The following ALPK1 variants were observed in gnomAD, a reference collection of about 807,000 sequenced individuals.
The protein encoded by ALPK1 is alpha-protein kinase 1.
A neutral mutation model predicts 120.6 loss-of-function variants in ALPK1; 110 were observed. The observed-to-expected ratio is 0.91, with a 90% CI of 0.78 to 1.07. ALPK1 has a LOEUF of 1.07. ALPK1 is among the 50% of genes least tolerant of loss of function. The pLI, the probability that ALPK1 is intolerant of heterozygous loss-of-function variation, is 0.00. For missense variants in ALPK1, 1,498 were observed against 1,483.9 expected, an observed-to-expected ratio of 1.01 and a Z score of -0.16; for synonymous variants, 582 against 560.3, an observed-to-expected ratio of 1.04 and a Z score of -0.55.
intron 3 of ALPK1, among the ~76,000 whole-genome samples, chr4:112,378,711 C>G (rs1731773875): frequency 6.6e-6 from 1 of 152,124 alleles, no homozygotes; most frequent in South Asian, 2.1e-4. Flanking sequence ...CTCACAGAAA[C>G]AAGATTCCCA....
In ALPK1 at chr4:112,439,675, C is replaced by T. The variant is rs1734945158; in HGVS notation, c.3352-11C>T. On this transcript the variant is annotated splice_polypyrimidine_tract_variant and intron_variant, in intron 13 of 15. Transcript: ENST00000650871. ...CATTATGCTGTAATGTTTCTCATTG[C>T]TATTTTTCAGATTTTAGAGGACAAG... is the stretch of plus-strand genomic sequence containing the variant. 1 of 1,591,700 alleles carries T rather than the reference C, an allele frequency of 6.3e-7. No homozygotes were observed. Among genetic ancestry groups the T allele is most frequent in the South Asian group, 1.1e-5 (1 of 88,132 alleles).
At chr4:112,304,516 T>C (rs1404889453) in intron 1 of ALPK1, among the ~76,000 whole-genome samples, 1 of 152,162 alleles carries the variant, frequency 6.6e-6, no homozygotes, top group African/African-American at 2.4e-5. Context: ...ATGAGCATTT[T>C]TTCATGTGTC....
At chr4:112,355,875 A>AGG (rs1730584228) in intron 2 of ALPK1, among the ~76,000 whole-genome samples, 1 of 152,218 alleles carries the variant, frequency 6.6e-6, no homozygotes, top group Admixed American at 6.5e-5. Context: ...TGCCTGACAA[A>AGG]GGGGGACCCG....
intron 2 of ALPK1, among the ~76,000 whole-genome samples, chr4:112,319,349 G>A (rs1367673276): frequency 6.6e-6 from 1 of 152,130 alleles, no homozygotes; most frequent in African/African-American, 2.4e-5. Flanking sequence ...GACCCATGGA[G>A]CATTTAATAG....
intron 2 of ALPK1, among the ~76,000 whole-genome samples, chr4:112,330,237 C>T (rs1047545255): frequency 6.6e-6 from 1 of 152,172 alleles, no homozygotes; most frequent in Non-Finnish European, 1.5e-5. Context: ...GTATAAGTTC[C>T]TCTGTAAATG....
intron 2 of ALPK1, among the ~76,000 whole-genome samples, chr4:112,333,556 C>G (rs560853891): frequency 2.6e-5 from 4 of 152,254 alleles, no homozygotes; most frequent in African/African-American, 4.8e-5. Flanking sequence ...AGTCCAGGTA[C>G]CAGCCAACCA....
intron 1 of ALPK1, among the ~76,000 whole-genome samples, chr4:112,301,023 T>G (rs1240831393): frequency 6.6e-6 from 1 of 152,142 alleles, no homozygotes; most frequent in African/African-American, 2.4e-5. Flanking sequence ...TGTCCATTCA[T>G]AATTACCTTT....
chr4:112,358,027 T>C (rs1362839604), intron 2 of ALPK1: 6 of 618,156 alleles, frequency 9.7e-6, no homozygotes, highest in African/African-American at 3.6e-5. Flanking sequence ...TCTCAGACAC[T>C]AATGGCAGTA....
At chr4:112,319,924 C>G (rs1038897458) in intron 2 of ALPK1, among the ~76,000 whole-genome samples, 9 of 152,088 alleles carry the variant, frequency 5.9e-5, no homozygotes, top group Non-Finnish European at 2.9e-5. Flanking sequence ...ATTCATTTAC[C>G]AGTTCTAGGA....
At chr4:112,329,741 C>T (rs1256329576) in intron 2 of ALPK1, among the ~76,000 whole-genome samples, 1 of 152,196 alleles carries the variant, frequency 6.6e-6, no homozygotes, top group Non-Finnish European at 1.5e-5. Context: ...TACCCCATGG[C>T]ACTGCTCATG....
intron 9 of ALPK1, among the ~76,000 whole-genome samples, chr4:112,428,426 A>G (rs1446788921): frequency 6.6e-6 from 1 of 152,216 alleles, no homozygotes; most frequent in Non-Finnish European, 1.5e-5. Context: ...ACCATGCTCA[A>G]TACTAATTAG....
chr4:112,308,542 G>A (rs907665361), intron 1 of ALPK1, among the ~76,000 whole-genome samples: 1 of 151,932 alleles, frequency 6.6e-6, no homozygotes, highest in Non-Finnish European at 1.5e-5. Flanking sequence ...GATCGAATCG[G>A]CTACTGAAAC....
At chr4:112,297,716 C>T (rs1214419941) in intron 1 of ALPK1, among the ~76,000 whole-genome samples, 2 of 151,946 alleles carry the variant, frequency 1.3e-5, no homozygotes, top group African/African-American at 4.8e-5. Context: ...CAATGGTAAA[C>T]TGTAGTCATT....
intron 2 of ALPK1, among the ~76,000 whole-genome samples, chr4:112,328,713 G>C (rs1460370171): frequency 6.6e-6 from 1 of 152,176 alleles, no homozygotes; most frequent in Non-Finnish European, 1.5e-5. Context: ...TACTTTGGAG[G>C]ACTAGTTTTA....
At chr4:112,357,191 GC>G in intron 2 of ALPK1, 1 of 1,551,670 alleles carries the variant, frequency 6.4e-7, no homozygotes, top group Non-Finnish European at 8.8e-7. Flanking sequence ...GTTTGCTGAA[GC>G]CCAGAGCACG....
chr4:112,302,333 T>A (rs1727825765), intron 1 of ALPK1: 1 of 152,294 alleles, frequency 6.6e-6, no homozygotes, highest in Non-Finnish European at 1.5e-5. Flanking sequence ...TTGGTCACAC[T>A]CTCAGCTGGA....
At chr4:112,324,061 C>T (rs922949928) in intron 2 of ALPK1, among the ~76,000 whole-genome samples, 3 of 152,200 alleles carry the variant, frequency 2.0e-5, no homozygotes, top group Admixed American at 6.5e-5. Flanking sequence ...GGCGTGGTGG[C>T]TCATGCCTGT....
chr4:112,301,402 G>C (rs957420775), intron 1 of ALPK1, among the ~76,000 whole-genome samples: 12 of 152,176 alleles, frequency 7.9e-5, no homozygotes, highest in African/African-American at 2.9e-4. Context: ...GGCTTCTGAA[G>C]GCGCAGCTTG....
At chr4:112,314,880 T>A (rs1467036739) in intron 1 of ALPK1, among the ~76,000 whole-genome samples, 3 of 125,472 alleles carry the variant, frequency 2.4e-5, no homozygotes, top group African/African-American at 8.5e-5. Flanking sequence ...CATTGCCTTT[T>A]TTTTTTTTTT....
Sources: gnomAD v4.1 joint callset for allele counts (sites outside exome capture counted in the v4.1 genomes callset) on GRCh38, gnomAD v4.1.1 for gene constraint, MANE v1.5 for transcripts, NCBI Gene and HGNC (gene_info 2026-07-23, HGNC 2026-07-21) for gene names.